The following SCEL variants were observed in gnomAD, a reference collection of about 807,000 sequenced individuals.
SCEL encodes the protein sciellin.
In SCEL, 113 loss-of-function variants were observed where a neutral mutation model predicts 117.6. That is an observed-to-expected ratio of 0.96 (90% CI 0.83 to 1.12). The LOEUF is 1.12. SCEL is among the 50% of genes most tolerant of loss of function. The pLI, the probability that SCEL is intolerant of heterozygous loss-of-function variation, is 0.00. For synonymous variants in SCEL, 270 were observed against 256.2 expected, an observed-to-expected ratio of 1.05 and a Z score of -0.51; for missense variants, 785 against 810.8, an observed-to-expected ratio of 0.97 and a Z score of 0.39.
chr13:77,604,437 C>T lies in SCEL; in HGVS notation c.1157+22C>T, dbSNP rs79433910. The T allele has an allele frequency of 5.5e-4, 853 of 1,553,298 alleles. 10 individuals are homozygous for T. In the East Asian group the frequency reaches 0.016, roughly 28 times the overall value. ...CGAGGTAAGACATTTAAAGCTCCCCCCTCCCCTTTGTTTGGCATTTAGAAG... is the reference window on the plus strand; with the variant it reads ...CGAGGTAAGACATTTAAAGCTCCCCTCTCCCCTTTGTTTGGCATTTAGAAG... On this transcript the variant is annotated intron_variant, in intron 19 of 32. Coordinates refer to ENST00000349847, the MANE Select transcript of SCEL (RefSeq NM_144777.3).
rs777736876 is a variant in SCEL, at chr13:77,556,734, G to A, written c.161+21G>A. ...GAAAAGTAAGCTGGTGTGGAGCGTG[G>A]TGGGTGGACAGAAGGGCAGAGAGAG... On this transcript the variant is annotated intron_variant, in intron 3 of 32. Transcript: ENST00000349847. The A allele has an allele frequency of 5.2e-6, 8 of 1,531,062 alleles. No homozygotes were observed. The South Asian group carries it at 5.6e-5, about 11-fold the overall frequency. 94.8% of individuals were successfully genotyped at this position (1,531,062 alleles called of 1,614,324 possible). A position where few individuals can be genotyped will look rare whatever the true frequency, so the allele number is the denominator to read the frequency against.
chr13:77,598,119 G>T (rs1158987723), intron 13 of SCEL, among the ~76,000 whole-genome samples: 1 of 152,034 alleles, frequency 6.6e-6, no homozygotes, highest in South Asian at 2.1e-4. Flanking sequence ...GTGCCACCAC[G>T]TGTGGCTAAT....
At chr13:77,578,774 G>C (rs1216055397) in intron 9 of SCEL, among the ~76,000 whole-genome samples, 2 of 152,198 alleles carry the variant, frequency 1.3e-5, no homozygotes, top group Non-Finnish European at 2.9e-5. Context: ...ACTGTGCTTT[G>C]TTTTGAGCAG....
At chr13:77,618,985 A>G (rs1445578059) in intron 27 of SCEL, among the ~76,000 whole-genome samples, 2 of 152,228 alleles carry the variant, frequency 1.3e-5, no homozygotes, top group Non-Finnish European at 2.9e-5. Flanking sequence ...TATCTTTCAC[A>G]TAAACTGCTT....
chr13:77,569,478 C>T (rs745704173), intron 8 of SCEL, 27 bp downstream of exon 8: 4 of 1,532,208 alleles, frequency 2.6e-6, no homozygotes, highest in East Asian at 4.5e-5. Context: ...GTGTCTACCT[C>T]TTGCTGATAC....
intron 22 of SCEL, among the ~76,000 whole-genome samples, chr13:77,610,394 G>T (rs2154402920): frequency 6.7e-6 from 1 of 148,944 alleles, no homozygotes; most frequent in South Asian, 2.1e-4. Context: ...GGAGGTTGCA[G>T]TGAGCCGAGA....
chr13:77,548,454 A>G (rs563495464), intron 1 of SCEL, among the ~76,000 whole-genome samples: 13 of 152,356 alleles, frequency 8.5e-5, no homozygotes, highest in African/African-American at 3.1e-4. Context: ...GGACATGGAA[A>G]GTTCTGGAGC....
At chr13:77,613,517 A>T (rs929596096) in intron 23 of SCEL, among the ~76,000 whole-genome samples, 1 of 152,132 alleles carries the variant, frequency 6.6e-6, no homozygotes, top group Admixed American at 6.6e-5. Flanking sequence ...CATTGTGTGG[A>T]TGTAAGGGAT....
chr13:77,536,974 G>A (rs1025383419), intron 1 of SCEL, among the ~76,000 whole-genome samples: 3 of 152,230 alleles, frequency 2.0e-5, no homozygotes, highest in African/African-American at 7.2e-5. Flanking sequence ...TTCATAAAAT[G>A]TGATTACATT....
chr13:77,609,929 A>C, intron 21 of SCEL, 118 bp from the exon 22 acceptor site: 1 of 496,674 alleles, frequency 2.0e-6, no homozygotes, highest in Non-Finnish European at 3.1e-6. Context: ...CTCTGAGATG[A>C]TCTCTAATTT....
At chr13:77,555,807 G>T in intron 1 of SCEL, 50 bp from the exon 2 acceptor site, 1 of 1,196,326 alleles carries the variant, frequency 8.4e-7, no homozygotes, top group Admixed American at 1.7e-5. Flanking sequence ...GTCACTTACA[G>T]GTTCTCAGAG....
intron 1 of SCEL, among the ~76,000 whole-genome samples, chr13:77,540,915 C>G (rs1285751467): frequency 6.6e-6 from 1 of 152,146 alleles, no homozygotes; most frequent in Non-Finnish European, 1.5e-5. Context: ...TTGGAATAGT[C>G]AGGAGATTAT....
At position 77,591,452 on chromosome 13, in the gene SCEL, A is replaced by T. The variant is rs368847500; in HGVS notation, c.684A>T (p.Arg228Ser). 6.5e-7 allele frequency: 1 copy of T among 1,548,542 alleles called. No homozygotes were observed. The highest frequency in any genetic ancestry group is 1.4e-5 in the African/African-American group (1 of 73,650). Residue 228 changes from arginine to serine, a missense_variant, in exon 11 of 33, where the codon AGA becomes AGT. Physicochemically the swap from Arg to Ser is moderately radical, Grantham distance 110. Transcript: ENST00000349847. ...VYTETNRSAE[R>S]NIRSQDLDNI... is the part of the protein sequence containing the mutation. ...CAGAAACCAACAGATCTGCTGAAAG[A>T]AATATAAGGTACACTGATTTCTATT... is the stretch of plus-strand genomic sequence containing the variant.
intron 5 of SCEL, among the ~76,000 whole-genome samples, chr13:77,564,191 GT>G (rs58228438): frequency 0.061 from 7,910 of 129,036 alleles, 331 homozygotes; most frequent in East Asian, 0.14. Flanking sequence ...TTCAATATAG[GT>G]TTTTTTTTTT....
chr13:77,612,955 G>C lies in SCEL; in HGVS notation c.1388+14G>C. 6.7e-7 allele frequency: 1 copy of C among 1,487,932 alleles called. No homozygotes were observed. Among genetic ancestry groups the C allele is most frequent in the Non-Finnish European group, 9.2e-7 (1 of 1,091,088 alleles). 92.2% of individuals were successfully genotyped at this position (1,487,932 alleles called of 1,614,324 possible). ...AGCAAACAAAAGGTAAACTTATTAA[G>C]ATAATTGAAGACTTCTTAGCAAGTC... is the stretch of plus-strand genomic sequence containing the variant. On this transcript the variant is annotated intron_variant, in intron 23 of 32. Coordinates refer to ENST00000349847, the MANE Select transcript of SCEL (RefSeq NM_144777.3).
At chr13:77,612,084 A>C (rs1226949792) in intron 22 of SCEL, among the ~76,000 whole-genome samples, 1 of 152,170 alleles carries the variant, frequency 6.6e-6, no homozygotes, top group Non-Finnish European at 1.5e-5. Context: ...CACACATGAT[A>C]AAATGAACCT....
At chr13:77,607,180 C>T (rs1021745376) in intron 19 of SCEL, among the ~76,000 whole-genome samples, 1 of 151,968 alleles carries the variant, frequency 6.6e-6, no homozygotes, top group Admixed American at 6.6e-5. Context: ...ACATGAGTAG[C>T]TGGAGCCACA....
chr13:77,584,947 C>T (rs559029944), intron 9 of SCEL, among the ~76,000 whole-genome samples: 2 of 152,348 alleles, frequency 1.3e-5, no homozygotes, highest in South Asian at 4.1e-4. Flanking sequence ...GTAAATTGCT[C>T]TTCCAGAAAT....
chr13:77,605,063 G>A (rs1413335906), intron 19 of SCEL, among the ~76,000 whole-genome samples: 1 of 152,130 alleles, frequency 6.6e-6, no homozygotes, highest in East Asian at 1.9e-4. Context: ...AGTCTGGAGA[G>A]CTTATGTCTT....
Sources: allele counts gnomAD v4.1 joint callset (sites outside exome capture counted in the v4.1 genomes callset), GRCh38; gene constraint gnomAD v4.1.1; transcripts MANE v1.5; gene names NCBI Gene and HGNC (gene_info 2026-07-23, HGNC 2026-07-21).